Variants in CACNA1C observed in about 807,000 individuals in gnomAD.
CACNA1C encodes calcium voltage-gated channel subunit alpha1 C.
CACNA1C carries 30 observed loss-of-function variants against 229.0 expected under a neutral mutation model. The ratio of observed to expected loss-of-function variants is 0.13; its 90% confidence interval spans 0.10 to 0.18. The LOEUF (loss-of-function observed/expected upper bound fraction) is 0.18, where lower values mean the gene tolerates loss of function less well. Among genes scored for constraint, CACNA1C ranks in the 10% least tolerant of loss-of-function variants. CACNA1C has a pLI of 1.00. For missense variants in CACNA1C, 1,658 were observed against 2,845.0 expected (o/e 0.58, Z 9.49); for synonymous variants, 1,114 against 1,132.5 (o/e 0.98, Z 0.33).
In CACNA1C at chr12:2,608,797, AG is replaced by A; in HGVS notation, c.3558+88del. The A allele has an allele frequency of 7.4e-7, 1 of 1,356,266 alleles. No homozygotes were observed. Among genetic ancestry groups the A allele is most frequent in the Non-Finnish European group, 1.0e-6 (1 of 967,310 alleles). The allele number at this position is 1,356,266 out of a possible 1,614,324, so 84.0% of individuals were successfully genotyped here. On this transcript the variant is annotated intron_variant, in intron 27 of 46. Transcript: ENST00000399655. This position sits in a 1 kb window ranked among gnomAD's most constrained non-coding sequence, Gnocchi z 4.2. ...GCCCACCCCGCAGAGGGGCTGCGAC[AG>A]GGAGAGGCCGTGCAGATACTGAGAT...
chr12:2,090,984 G>A (rs949895690), intron 1 of CACNA1C, among the ~76,000 whole-genome samples: 2 of 152,188 alleles, frequency 1.3e-5, no homozygotes, highest in African/African-American at 2.4e-5. Context: ...TTTCTCTGAT[G>A]ATCAGTGATG....
intron 3 of CACNA1C, among the ~76,000 whole-genome samples, chr12:2,322,929 T>C (rs2096082394): frequency 2.0e-5 from 3 of 152,222 alleles, no homozygotes; most frequent in Admixed American, 2.0e-4. Flanking sequence ...TCCGCCTGCC[T>C]GCTGCACCAC....
In CACNA1C at chr12:2,449,206, G is replaced by A. The variant is rs1024424233; in HGVS notation, c.617+91G>A. 12 of 965,368 alleles carry A rather than the reference G, an allele frequency of 1.2e-5. 1 individual carries two copies. The highest frequency in any genetic ancestry group is 7.7e-5 in the South Asian group (3 of 39,094). 59.8% of individuals were successfully genotyped at this position (965,368 alleles called of 1,614,324 possible). Reference sequence around the variant, plus strand: ...GCTGAAGACAGGGTCGTTGTCAGACGGCCACAAAGATTTAGGCTCGCAGAT... The same window carrying A: ...GCTGAAGACAGGGTCGTTGTCAGACAGCCACAAAGATTTAGGCTCGCAGAT... On this transcript the variant is annotated intron_variant, in intron 4 of 46. Transcript: ENST00000399655.
At chr12:2,687,866 C>T (rs1002034452) in intron 45 of CACNA1C, among the ~76,000 whole-genome samples, 1 of 152,194 alleles carries the variant, frequency 6.6e-6, no homozygotes, top group African/African-American at 2.4e-5. Flanking sequence ...AATACAGCAC[C>T]GGATTTAACA....
intron 30 of CACNA1C, 106 bp downstream of exon 30, chr12:2,634,486 T>TA: frequency 2.3e-6 from 1 of 441,164 alleles, no homozygotes; most frequent in Non-Finnish European, 4.0e-6. Context: ...ACCTTCTTAT[T>TA]TTTTTTTTTT....
At chr12:2,154,185 G>A (rs984697193) in intron 3 of CACNA1C, among the ~76,000 whole-genome samples, 6 of 152,174 alleles carry the variant, frequency 3.9e-5, no homozygotes, top group Non-Finnish European at 7.3e-5. Context: ...AGGAGGCTTA[G>A]TCATCTTCCC....
chr12:1,998,195 A>G (rs2041387714), intron 1 of CACNA1C, among the ~76,000 whole-genome samples: 1 of 152,234 alleles, frequency 6.6e-6, no homozygotes, highest in Non-Finnish European at 1.5e-5. Context: ...TGTCATTTAT[A>G]AAACAAATCA....
chr12:2,444,266 G>A (rs2099256207), intron 3 of CACNA1C, among the ~76,000 whole-genome samples: 1 of 152,168 alleles, frequency 6.6e-6, no homozygotes, highest in Non-Finnish European at 1.5e-5. Context: ...ATTTCTCCCT[G>A]GCTTGAGTAT....
intron 3 of CACNA1C, among the ~76,000 whole-genome samples, chr12:2,200,768 G>A (rs2097559338): frequency 6.6e-6 from 1 of 152,184 alleles, no homozygotes; most frequent in Admixed American, 6.5e-5. Context: ...TTTCTGAGAG[G>A]TGGCATATGA....
intron 3 of CACNA1C, among the ~76,000 whole-genome samples, chr12:2,253,679 AT>A (rs2076395314): frequency 1.3e-5 from 2 of 152,370 alleles, no homozygotes; most frequent in South Asian, 4.1e-4. Flanking sequence ...AATCAAGCAC[AT>A]TCACACACGT....
At chr12:2,465,566 G>A (rs979362108) in intron 5 of CACNA1C, among the ~76,000 whole-genome samples, 4 of 152,162 alleles carry the variant, frequency 2.6e-5, no homozygotes, top group Admixed American at 2.6e-4. Context: ...AAGGAAGTAT[G>A]GGTCGTGAGA....
intron 3 of CACNA1C, among the ~76,000 whole-genome samples, chr12:2,208,621 T>G (rs1160784586): frequency 2.6e-5 from 4 of 152,162 alleles, no homozygotes; most frequent in Admixed American, 2.0e-4. Flanking sequence ...TTTGAGGGAC[T>G]CAGGGCACTG....
intron 3 of CACNA1C, among the ~76,000 whole-genome samples, chr12:2,311,110 C>A (rs1450012684): frequency 6.6e-6 from 1 of 152,214 alleles, no homozygotes; most frequent in Non-Finnish European, 1.5e-5. Flanking sequence ...TCCTCTGGAG[C>A]CAGCTTGGGG....
At chr12:1,994,766 C>G (rs1195553874) in intron 1 of CACNA1C, among the ~76,000 whole-genome samples, 1 of 152,168 alleles carries the variant, frequency 6.6e-6, no homozygotes, top group Non-Finnish European at 1.5e-5. Context: ...CAGGATCTCA[C>G]CTCTTTAATA....
chr12:2,004,665 T>G lies in CACNA1C; in HGVS notation c.139+33464T>G, dbSNP rs562779609. On this transcript the variant is annotated intron_variant, in intron 1 of 46. Transcript: ENST00000682462. ...CCACTGGCAACGACAAGCCCAGGCC[T>G]GCCCTCTGCATCCCGTTTCTTTCTC... The G allele has an allele frequency of 1.8e-5, 10 of 560,864 alleles. No individual in the cohort carries two copies. The African/African-American group carries it at 1.9e-4, about 11-fold the overall frequency. 34.7% of individuals were successfully genotyped at this position (560,864 alleles called of 1,614,324 possible). A position where few individuals can be genotyped will look rare whatever the true frequency, so the allele number is the denominator to read the frequency against.
intron 3 of CACNA1C, among the ~76,000 whole-genome samples, chr12:2,242,083 C>T (rs1400932283): frequency 1.3e-5 from 2 of 152,194 alleles, no homozygotes; most frequent in African/African-American, 4.8e-5. Flanking sequence ...CATAGCCCCT[C>T]CTCCCAGTCA....
intron 3 of CACNA1C, among the ~76,000 whole-genome samples, chr12:2,160,361 TTCTC>T (rs1481513180): frequency 6.6e-6 from 1 of 152,198 alleles, no homozygotes; most frequent in East Asian, 1.9e-4. Flanking sequence ...TGTACTCACT[TTCTC>T]TCTCCTGTCT....
Position 2,099,791 on chromosome 12 carries a change from C to T in CACNA1C, c.50-15433C>T, listed in dbSNP as rs368974830. On this transcript the variant is annotated intron_variant, in intron 1 of 46. Transcript: ENST00000399655. ...GACACGCTGCCTGCCTGCCAACCTG[C>T]CTGAGGCCGCTTCCCCATTACCCCC... 3.3e-5 allele frequency among the ~76,000 whole-genome samples: 5 copies of T among 152,256 alleles called. 1 individual carries two copies. The highest frequency in any genetic ancestry group is 6.5e-5 in the Admixed American group (1 of 15,306).
intron 3 of CACNA1C, among the ~76,000 whole-genome samples, chr12:2,216,520 G>A (rs1428385080): frequency 6.6e-6 from 1 of 152,200 alleles, no homozygotes; most frequent in Non-Finnish European, 1.5e-5. Flanking sequence ...GTTTTGATGG[G>A]AGGAAAGAAG....
Sources: gnomAD v4.1 joint callset for allele counts (sites outside exome capture counted in the v4.1 genomes callset) on GRCh38, gnomAD v4.1.1 for gene constraint, Gnocchi (gnomAD v3.1) non-coding constraint, MANE v1.5 for transcripts, NCBI Gene and HGNC (gene_info 2026-07-23, HGNC 2026-07-21) for gene names.